IFT88: variants seen among roughly 807,000 people sequenced by gnomAD.
IFT88 encodes intraflagellar transport 88, also known as intraflagellar transport protein 88 homolog.
In IFT88, 74 loss-of-function variants were observed where a neutral mutation model predicts 119.5. The observed-to-expected ratio is 0.62, with a 90% confidence interval of 0.51 to 0.75. The LOEUF is 0.75. Ranked by LOEUF, IFT88 falls within the 30% of genes least tolerant of loss-of-function variation. IFT88 has a pLI of 0.00. For synonymous variants in IFT88, 279 were observed against 316.7 expected (o/e 0.88, Z 1.26); for missense variants, 961 against 977.7 (o/e 0.98, Z 0.23).
intron 11 of IFT88, 148 bp from the exon 12 acceptor site, chr13:20,601,556 TA>T (rs2042593859): frequency 1.8e-6 from 1 of 558,004 alleles, no homozygotes; most frequent in African/African-American, 1.9e-5. Flanking sequence ...AATTTTATGG[TA>T]TTTATATAAA....
chr13:20,583,159 C>A, intron 3 of IFT88, 140 bp downstream of exon 3: 1 of 529,470 alleles, frequency 1.9e-6, no homozygotes, highest in Non-Finnish European at 3.3e-6. Flanking sequence ...TGAAACAGAT[C>A]TTCAGAAGTT....
intron 24 of IFT88, among the ~76,000 whole-genome samples, chr13:20,684,623 T>C (rs1218700942): frequency 1.3e-5 from 2 of 152,190 alleles, no homozygotes; most frequent in Non-Finnish European, 2.9e-5. Context: ...AGTTCCTCGG[T>C]CCTGAAACCA....
chr13:20,641,605 A>G lies in IFT88; in HGVS notation c.1682+207A>G, dbSNP rs191181343. The stretch of plus-strand genomic sequence containing the variant: ...GTAGTTTGCATCGAAAGAGGAATTA[A>G]TGGTTAAAACTATTATTTATTAAAT... On this transcript the variant is annotated intron_variant, in intron 18 of 25. Transcript: ENST00000351808. 245 of 409,388 alleles carry G rather than the reference A, an allele frequency of 6.0e-4. 2 individuals are homozygous for G. Among genetic ancestry groups the G allele is most frequent in the African/African-American group, 4.4e-3 (219 of 49,636 alleles). The allele number at this position is 409,388 out of a possible 1,614,324, so 25.4% of individuals were successfully genotyped here.
At chr13:20,593,074 G>A (rs1164376919) in intron 7 of IFT88, among the ~76,000 whole-genome samples, 2 of 152,000 alleles carry the variant, frequency 1.3e-5, no homozygotes, top group Non-Finnish European at 2.9e-5. Flanking sequence ...CATTTCAAGG[G>A]AAAAAATTAA....
At chr13:20,591,999 A>G (rs1339304845) in intron 6 of IFT88, among the ~76,000 whole-genome samples, 1 of 152,242 alleles carries the variant, frequency 6.6e-6, no homozygotes, top group Non-Finnish European at 1.5e-5. Flanking sequence ...TAAAAAGCCA[A>G]TAGCAGGTTA....
intron 2 of IFT88, among the ~76,000 whole-genome samples, chr13:20,575,095 C>A (rs1216576676): frequency 1.3e-5 from 2 of 150,082 alleles, no homozygotes; most frequent in African/African-American, 4.9e-5. Flanking sequence ...TAACCATTCT[C>A]ACCCCCTCCC....
At chr13:20,567,686 T>C in intron 1 of IFT88, 1 of 1,151,954 alleles carries the variant, frequency 8.7e-7, no homozygotes, top group Non-Finnish European at 1.1e-6. Flanking sequence ...CACTTCAAAT[T>C]GCCTGATGAA....
rs771275207 is a variant in IFT88 at position 20,653,960 on chromosome 13, T to C, written c.2002+32T>C. 8 of 1,402,786 alleles carry C rather than the reference T, an allele frequency of 5.7e-6. No homozygotes were observed. The East Asian group carries it at 1.6e-4, about 29-fold the overall frequency. 86.9% of individuals were successfully genotyped at this position (1,402,786 alleles called of 1,614,324 possible). A position where few individuals can be genotyped will look rare whatever the true frequency, so the allele number is the denominator to read the frequency against. On this transcript the variant is annotated intron_variant, in intron 21 of 25. Transcript: ENST00000351808. Reference sequence around the variant, plus strand: ...GCTTTAGTTTTATTCATTTTATAGATATTTTGCTTCTTTCCTTTTAGGTAA... The same window carrying C: ...GCTTTAGTTTTATTCATTTTATAGACATTTTGCTTCTTTCCTTTTAGGTAA...
intron 24 of IFT88, among the ~76,000 whole-genome samples, chr13:20,689,337 A>G (rs985304687): frequency 1.8e-4 from 27 of 152,226 alleles, no homozygotes; most frequent in African/African-American, 6.3e-4. Context: ...TGAGGGAGCT[A>G]TCAGGGTTTT....
At chr13:20,568,731 T>C (rs1177392693) in intron 1 of IFT88, among the ~76,000 whole-genome samples, 1 of 152,132 alleles carries the variant, frequency 6.6e-6, no homozygotes, top group Non-Finnish European at 1.5e-5. Flanking sequence ...TTTTTTTTTC[T>C]TTTTGAGACG....
At chr13:20,663,404 C>G (rs2054141313) in intron 22 of IFT88, 94 bp from the exon 23 acceptor site, 1 of 1,557,072 alleles carries the variant, frequency 6.4e-7, no homozygotes, top group African/African-American at 1.4e-5. Flanking sequence ...TCATTCCTAC[C>G]TGTATCCCAA....
intron 3 of IFT88, among the ~76,000 whole-genome samples, chr13:20,583,712 C>A (rs1160674714): frequency 6.6e-6 from 1 of 152,154 alleles, no homozygotes; most frequent in African/African-American, 2.4e-5. Flanking sequence ...AGAACAATGT[C>A]ATGAAGCTTT....
chr13:20,670,836 A>G (rs1294863207), intron 23 of IFT88, 137 bp from the exon 24 acceptor site: 4 of 491,164 alleles, frequency 8.1e-6, no homozygotes, highest in Non-Finnish European at 9.9e-6. Context: ...TTTTTTTTCT[A>G]TAGAATCAAC....
At position 20,643,948 on chromosome 13, in the gene IFT88, T is replaced by C. The variant is rs2442460; in HGVS notation, c.1833+343T>C. ...TTTGTATTTTTAGTAGAGGGGTGTT[T>C]TGCCATCTTGGCCAGGCCAGTCTCG... On this transcript the variant is annotated intron_variant, in intron 19 of 25. Transcript: ENST00000351808. 6.0e-3 allele frequency among the ~76,000 whole-genome samples: 909 copies of C among 152,232 alleles called. 12 individuals carry two copies. The highest frequency in any genetic ancestry group is 0.02 in the African/African-American group (818 of 41,538).
rs1566437102 is a variant in IFT88 at position 20,670,992 on chromosome 13, A to G, written c.2195A>G (p.Asp732Gly). The change falls in exon 24 of 26, where the codon GAT becomes GGT. Residue 732 changes from aspartate to glycine, a missense_variant. Physicochemically the swap from Asp to Gly is moderately conservative, Grantham distance 94. Coordinates refer to ENST00000351808, the MANE Select transcript of IFT88 (RefSeq NM_006531.5). ...CTCTAGCGCATAAAGTCAGGCAGAG[A>G]TGGCAGTGGGGGCTCCCGTGGCAAA... ...IREQRIKSGR[D>G]GSGGSRGKRE... 6.2e-7 allele frequency: 1 copy of G among 1,613,896 alleles called. No individual in the cohort carries two copies. Among genetic ancestry groups the G allele is most frequent in the Non-Finnish European group, 8.5e-7 (1 of 1,179,924 alleles).
intron 11 of IFT88, 47 bp downstream of exon 11, chr13:20,599,612 C>T (rs1262187455): frequency 4.6e-6 from 4 of 860,370 alleles, no homozygotes; most frequent in Non-Finnish European, 5.5e-6. Context: ...AAGTGTTTTT[C>T]TGAAACAAGA....
At chr13:20,586,477 T>C (rs563243960) in intron 3 of IFT88, among the ~76,000 whole-genome samples, 10 of 152,220 alleles carry the variant, frequency 6.6e-5, no homozygotes, top group Non-Finnish European at 1.3e-4. Flanking sequence ...TCAGAAGAGA[T>C]TGCTTAGAAG....
intron 24 of IFT88, among the ~76,000 whole-genome samples, chr13:20,684,146 GT>G (rs2057627412): frequency 6.6e-6 from 1 of 152,158 alleles, no homozygotes; most frequent in African/African-American, 2.4e-5. Flanking sequence ...TGTTGATCAG[GT>G]GAGTATATTC....
chr13:20,661,061 G>A (rs1239516391), intron 22 of IFT88, among the ~76,000 whole-genome samples: 1 of 152,080 alleles, frequency 6.6e-6, no homozygotes, highest in Non-Finnish European at 1.5e-5. Flanking sequence ...ATGTGCTGGG[G>A]ATACAACAGA....
Sources: allele counts gnomAD v4.1 joint callset (sites outside exome capture counted in the v4.1 genomes callset), GRCh38; gene constraint gnomAD v4.1.1; transcripts MANE v1.5; gene names NCBI Gene and HGNC (gene_info 2026-07-23, HGNC 2026-07-21).